CA6: variants seen among roughly 807,000 people sequenced by gnomAD.
The protein encoded by CA6 is carbonic anhydrase 6.
Under a neutral mutation model 35.9 loss-of-function variants are expected in CA6, and 28 were observed. The ratio of observed to expected loss-of-function variants is 0.78; its 90% CI spans 0.58 to 1.07. The LOEUF (loss-of-function observed/expected upper bound fraction) is 1.07. Ranked by LOEUF, CA6 falls within the 50% of genes least tolerant of loss-of-function variation. The pLI, the probability that CA6 is intolerant of heterozygous loss-of-function variation, is 0.00. For synonymous variants in CA6, 148 were observed against 152.6 expected, an observed-to-expected ratio of 0.97 and a Z score of 0.22; for missense variants, 377 against 382.0, an observed-to-expected ratio of 0.99 and a Z score of 0.11.
chr1:8,950,065 C>T (rs1034932412), intron 2 of CA6, among the ~76,000 whole-genome samples: 6 of 151,984 alleles, frequency 3.9e-5, no homozygotes, highest in Admixed American at 6.6e-5. Flanking sequence ...CTGCAACCTC[C>T]ACCTCCTGGG....
At position 8,951,327 on chromosome 1, in the gene CA6, G is replaced by T. The variant is rs186232563; in HGVS notation, c.259+1885G>T. On this transcript the variant is annotated intron_variant, in intron 2 of 7. Coordinates refer to ENST00000377443, the MANE Select transcript of CA6 (RefSeq NM_001215.4). Reference sequence around the variant, plus strand: ...CTGTAAAAGGACTCAGGTTTATGTGGCCAGGAGCCCTGAAATACACAAAGA... The same window carrying T: ...CTGTAAAAGGACTCAGGTTTATGTGTCCAGGAGCCCTGAAATACACAAAGA... The T allele has an allele frequency of 5.1e-5, 32 of 632,704 alleles. No homozygotes were observed. The African/African-American group carries it at 5.2e-4, about 10-fold the overall frequency. 39.2% of individuals were successfully genotyped at this position (632,704 alleles called of 1,614,324 possible).
At chr1:8,972,294 T>TC (rs1170887434) in intron 7 of CA6, among the ~76,000 whole-genome samples, 1 of 151,692 alleles carries the variant, frequency 6.6e-6, no homozygotes. Flanking sequence ...CAAGCAATCC[T>TC]CCCCCCTCAG....
Position 8,962,654 on chromosome 1 carries a change from C to A in CA6, c.569C>A (p.Pro190Gln). ...TCTCATCTGGCCAACATCAAGTACC[C>A]AGGTAAGGGAAGCCAACTGTGGCTG... ...FISHLANIKY[P>Q]GQRTTLTGLD... is the part of the protein sequence containing the mutation. Residue 190 changes from proline to glutamine, a missense_variant and splice_region_variant, in exon 5 of 8, where the codon CCA becomes CAA. By Grantham distance (76) the Pro-to-Gln change is moderately conservative (BLOSUM62 -1). Transcript: ENST00000377443. 1 of 1,613,302 alleles carries A rather than the reference C, an allele frequency of 6.2e-7. No individual in the cohort carries two copies. Among genetic ancestry groups the A allele is most frequent in the South Asian group, 1.1e-5 (1 of 91,048 alleles).
rs1341242869 is a variant in CA6, at chr1:8,956,501, A to G, written c.260-636A>G. ...ATGGTGAAACACTGTCTCTACTAAA[A>G]ACACAAAAATTAGCCAGGCATGGTG... On this transcript the variant is annotated intron_variant, in intron 2 of 7. Transcript: ENST00000377443. Among the ~76,000 whole-genome samples the G allele has an allele frequency of 3.9e-5, 6 of 152,044 alleles. No individual in the cohort carries two copies. In the East Asian group the frequency reaches 1.2e-3, roughly 30 times the overall value.
At chr1:8,957,632 T>C (rs549481222) in intron 3 of CA6, among the ~76,000 whole-genome samples, 2 of 150,152 alleles carry the variant, frequency 1.3e-5, no homozygotes, top group African/African-American at 4.9e-5. Flanking sequence ...TGAGCCACAG[T>C]GCCCAGCCGT....
chr1:8,961,945 A>C (rs527340706), intron 4 of CA6, among the ~76,000 whole-genome samples: 1 of 152,186 alleles, frequency 6.6e-6, no homozygotes, highest in Non-Finnish European at 1.5e-5. Flanking sequence ...ACACTGCCCA[A>C]AACAAGTGCA....
intron 5 of CA6, 140 bp from the exon 6 acceptor site, chr1:8,967,519 G>A (rs1434968391): frequency 3.0e-6 from 2 of 668,940 alleles, no homozygotes; most frequent in Non-Finnish European, 5.1e-6. Flanking sequence ...AAGTAAACTG[G>A]GAAATTGTTT....
At chr1:8,965,338 C>T (rs77433445) in intron 5 of CA6, among the ~76,000 whole-genome samples, 424 of 152,264 alleles carry the variant, frequency 2.8e-3, no homozygotes, top group African/African-American at 9.5e-3. Flanking sequence ...GCAACCATCA[C>T]CCCGCTCCAT....
intron 2 of CA6, chr1:8,951,363 G>A: frequency 1.4e-6 from 1 of 705,170 alleles, no homozygotes; most frequent in Non-Finnish European, 2.6e-6. Context: ...ATGAACAAAA[G>A]CCTCATTTTC....
At chr1:8,949,853 G>C (rs1184388084) in intron 2 of CA6, among the ~76,000 whole-genome samples, 4 of 152,018 alleles carry the variant, frequency 2.6e-5, no homozygotes, top group Non-Finnish European at 5.9e-5. Flanking sequence ...GTAGGACCAG[G>C]GTTTCTCAGA....
Position 8,974,927 on chromosome 1 carries a change from G to C in CA6, c.*223G>C. 1 of 417,450 alleles carries C rather than the reference G, an allele frequency of 2.4e-6. No homozygotes were observed. The highest frequency in any genetic ancestry group is 4.2e-6 in the Non-Finnish European group (1 of 236,946). 25.9% of individuals were successfully genotyped at this position (417,450 alleles called of 1,614,324 possible). ...AGTTCATGAGACGGGATCTGAGTTAGACATCACCAGTGGAAATTGATTGGA... is the reference window on the plus strand; with the variant it reads ...AGTTCATGAGACGGGATCTGAGTTACACATCACCAGTGGAAATTGATTGGA... On this transcript the variant is annotated 3_prime_UTR_variant, in exon 8 of 8. Transcript: ENST00000377443.
intron 2 of CA6, among the ~76,000 whole-genome samples, chr1:8,956,343 T>C (rs1241270105): frequency 6.6e-6 from 1 of 152,118 alleles, no homozygotes; most frequent in Non-Finnish European, 1.5e-5. Flanking sequence ...CGTTTTTTTC[T>C]TTTTGTGTAG....
rs1441653294 is a variant in CA6, at chr1:8,963,950, T to C, written c.571+1294T>C. ...ACCTCCCAAATTCCTGTCACATGCT[T>C]TCTCCTCTCTCCTGAAGCCCCTGTG... On this transcript the variant is annotated intron_variant, in intron 5 of 7. Transcript: ENST00000377443. The surrounding 1 kb of genome is among the most constrained non-coding windows in gnomAD (Gnocchi z 4.1). Among the ~76,000 whole-genome samples the C allele has an allele frequency of 6.6e-6, 1 of 152,182 alleles. No homozygotes were observed. The highest frequency in any genetic ancestry group is 1.5e-5 in the Non-Finnish European group (1 of 68,028).
intron 1 of CA6, 137 bp downstream of exon 1, chr1:8,946,102 A>T: frequency 1.6e-6 from 1 of 608,330 alleles, no homozygotes; most frequent in Non-Finnish European, 2.9e-6. Context: ...CAGTAGTGTG[A>T]TGTTGGCTCA....
At chr1:8,952,439 A>G (rs1244440466) in intron 2 of CA6, 1 of 151,836 alleles carries the variant, frequency 6.6e-6, no homozygotes, top group African/African-American at 2.4e-5. Context: ...GCCCAGCCTG[A>G]TATAAAGTAT....
In CA6 at chr1:8,949,314, G is replaced by A. The variant is rs754813157; in HGVS notation, c.131G>A (p.Gly44Asp). The A allele has an allele frequency of 1.2e-6, 2 of 1,613,298 alleles. No homozygotes were observed. The highest frequency in any genetic ancestry group is 2.2e-5 in the East Asian group (1 of 44,826). ...CCACAGCACTACCCCGCCTGTGGGGGCCAGAGACAGTCGCCTATCAACCTA... is the reference window on the plus strand; with the variant it reads ...CCACAGCACTACCCCGCCTGTGGGGACCAGAGACAGTCGCCTATCAACCTA... ...HWPQHYPACG[G>D]QRQSPINLQR... The change falls in exon 2 of 8, where the codon GGC (glycine) becomes GAC (aspartate). Residue 44 changes from glycine (G) to aspartate (D), a missense_variant. Transcript: ENST00000377443.
intron 1 of CA6, among the ~76,000 whole-genome samples, chr1:8,947,478 C>G (rs539949955): frequency 1.1e-4 from 16 of 152,206 alleles, no homozygotes; most frequent in Admixed American, 3.9e-4. Flanking sequence ...CAGCTCTGAA[C>G]AACCGCTCTG....
At chr1:8,953,705 C>T (rs1309051406) in intron 2 of CA6, among the ~76,000 whole-genome samples, 1 of 152,074 alleles carries the variant, frequency 6.6e-6, no homozygotes, top group Non-Finnish European at 1.5e-5. Flanking sequence ...GGGTAATTAC[C>T]AAGAGCTTGC....
chr1:8,974,842 G>A lies in CA6; in HGVS notation c.*138G>A. On this transcript the variant is annotated 3_prime_UTR_variant, in exon 8 of 8. Transcript: ENST00000377443. Reference sequence around the variant, plus strand: ...ACACGCTGCTCCCCCTGGGGCAGCTGTTGGGATTCTGATTAAAAGAGGGGA... The same window carrying A: ...ACACGCTGCTCCCCCTGGGGCAGCTATTGGGATTCTGATTAAAAGAGGGGA... 1 of 546,904 alleles carries A rather than the reference G, an allele frequency of 1.8e-6. No homozygotes were observed. 33.9% of individuals were successfully genotyped at this position (546,904 alleles called of 1,614,324 possible). A position where few individuals can be genotyped will look rare whatever the true frequency, so the allele number is the denominator to read the frequency against.
Sources: allele counts gnomAD v4.1 joint callset (sites outside exome capture counted in the v4.1 genomes callset), GRCh38; gene constraint gnomAD v4.1.1; non-coding constraint Gnocchi (gnomAD v3.1); transcripts MANE v1.5; gene names NCBI Gene and HGNC (gene_info 2026-07-23, HGNC 2026-07-21).